Variants in KCNIP4 observed in about 807,000 individuals in gnomAD.
KCNIP4 encodes Kv channel-interacting protein 4.
A neutral mutation model predicts 34.0 loss-of-function variants in KCNIP4; 12 were observed. The ratio of observed to expected loss-of-function variants is 0.35; its 90% CI spans 0.23 to 0.57. KCNIP4 has a LOEUF of 0.57. Among genes scored for constraint, KCNIP4 ranks in the 20% least tolerant of loss-of-function variants. KCNIP4 has a pLI of 0.83. For synonymous variants in KCNIP4, 124 were observed against 102.2 expected (o/e 1.21, Z -1.29); for missense variants, 238 against 311.7 (o/e 0.76, Z 1.78).
chr4:21,603,065 A>G (rs903858685), intron 1 of KCNIP4, among the ~76,000 whole-genome samples: 2 of 152,186 alleles, frequency 1.3e-5, no homozygotes, highest in South Asian at 4.1e-4. Context: ...ACAACTTTTA[A>G]CAATACTTAC....
chr4:21,426,292 C>A (rs28376487), intron 1 of KCNIP4, among the ~76,000 whole-genome samples: 2 of 151,954 alleles, frequency 1.3e-5, no homozygotes, highest in African/African-American at 2.4e-5. Flanking sequence ...TGGAGTCTTT[C>A]GGGTGTGATG....
chr4:21,587,832 A>G (rs1741763846), intron 1 of KCNIP4, among the ~76,000 whole-genome samples: 1 of 152,054 alleles, frequency 6.6e-6, no homozygotes, highest in African/African-American at 2.4e-5. Context: ...CAAACAGTTA[A>G]TACACATCTT....
intron 1 of KCNIP4, among the ~76,000 whole-genome samples, chr4:21,074,933 T>C (rs975755715): frequency 1.1e-4 from 16 of 152,210 alleles, no homozygotes; most frequent in African/African-American, 3.9e-4. Context: ...TCAGTTTCCA[T>C]GTAGTTGAGC....
chr4:20,911,418 G>A (rs1728314801), intron 1 of KCNIP4, among the ~76,000 whole-genome samples: 1 of 152,150 alleles, frequency 6.6e-6, no homozygotes, highest in Admixed American at 6.5e-5. Flanking sequence ...CTAATAAAGT[G>A]TGAGTAGAAA....
chr4:21,936,304 A>T (rs1729858215), intron 1 of KCNIP4, among the ~76,000 whole-genome samples: 2 of 152,074 alleles, frequency 1.3e-5, no homozygotes, highest in Admixed American at 1.3e-4. Flanking sequence ...ATGGTTTTAT[A>T]AGGGGCTTCC....
intron 1 of KCNIP4, among the ~76,000 whole-genome samples, chr4:21,838,126 T>C (rs1318389052): frequency 1.3e-5 from 2 of 152,358 alleles, no homozygotes; most frequent in East Asian, 3.9e-4. Flanking sequence ...CTGCATCTTC[T>C]GTTACACTAT....
At chr4:21,089,737 T>C (rs6810466) in intron 1 of KCNIP4, among the ~76,000 whole-genome samples, 25,549 of 151,986 alleles carry the variant, frequency 0.17, 2,226 homozygotes, top group East Asian at 0.24. Context: ...TCTTGGGCCA[T>C]TGCAACTTCC....
chr4:21,416,307 T>A (rs984459857), intron 1 of KCNIP4, among the ~76,000 whole-genome samples: 5 of 152,154 alleles, frequency 3.3e-5, no homozygotes, highest in African/African-American at 7.2e-5. Flanking sequence ...GTAGAGGGAT[T>A]AGGAGGCATC....
intron 3 of KCNIP4, among the ~76,000 whole-genome samples, chr4:20,822,635 A>G (rs1578702425): frequency 6.6e-6 from 1 of 152,188 alleles, no homozygotes; most frequent in African/African-American, 2.4e-5. Flanking sequence ...TAGAATTTTG[A>G]GTTGTCGCTG....
At chr4:21,903,552 T>C (rs2108971217) in intron 1 of KCNIP4, among the ~76,000 whole-genome samples, 1 of 152,272 alleles carries the variant, frequency 6.6e-6, no homozygotes, top group South Asian at 2.1e-4. Flanking sequence ...CAGGCACTGA[T>C]TGTTTCAAAT....
At chr4:21,530,710 T>C (rs1736603412) in intron 1 of KCNIP4, among the ~76,000 whole-genome samples, 1 of 152,126 alleles carries the variant, frequency 6.6e-6, no homozygotes, top group Non-Finnish European at 1.5e-5. Flanking sequence ...AGTACCACAA[T>C]AAAATAAGTA....
chr4:21,298,329 T>G (rs971223354), intron 1 of KCNIP4, among the ~76,000 whole-genome samples: 4 of 152,092 alleles, frequency 2.6e-5, no homozygotes, highest in Non-Finnish European at 5.9e-5. Context: ...AATTGATGCT[T>G]GTGTTATGCT....
At chr4:21,497,771 T>A (rs1732970738) in intron 1 of KCNIP4, among the ~76,000 whole-genome samples, 1 of 152,194 alleles carries the variant, frequency 6.6e-6, no homozygotes, top group Non-Finnish European at 1.5e-5. Context: ...ATTCTACTTA[T>A]ATAAATTTAT....
At chr4:21,151,524 C>T (rs1004915978) in intron 1 of KCNIP4, among the ~76,000 whole-genome samples, 1 of 141,336 alleles carries the variant, frequency 7.1e-6, no homozygotes, top group African/African-American at 2.6e-5. Flanking sequence ...TGGCTGTCTT[C>T]TCTCTGTGTC....
chr4:21,591,307 T>C (rs1742200360), intron 1 of KCNIP4, among the ~76,000 whole-genome samples: 1 of 152,074 alleles, frequency 6.6e-6, no homozygotes, highest in Non-Finnish European at 1.5e-5. Context: ...TATTTTTACC[T>C]GTGTAAAGAA....
intron 2 of KCNIP4, among the ~76,000 whole-genome samples, chr4:20,879,074 T>G (rs556297093): frequency 3.9e-5 from 6 of 152,252 alleles, no homozygotes; most frequent in African/African-American, 1.4e-4. Context: ...AGACTACATC[T>G]GGCTGTGCAT....
At chr4:21,249,287 G>GA (rs1335158306) in intron 1 of KCNIP4, among the ~76,000 whole-genome samples, 2 of 151,898 alleles carry the variant, frequency 1.3e-5, no homozygotes, top group African/African-American at 4.8e-5. Context: ...AAACTAACAG[G>GA]AAAAAAATCC....
chr4:21,059,920 C>A (rs1183998966), intron 1 of KCNIP4, among the ~76,000 whole-genome samples: 2 of 151,980 alleles, frequency 1.3e-5, no homozygotes, highest in African/African-American at 2.4e-5. Context: ...AAAAGAAAAA[C>A]TCACATTTTT....
At chr4:21,747,242 C>T (rs1423621755) in intron 1 of KCNIP4, among the ~76,000 whole-genome samples, 3 of 152,068 alleles carry the variant, frequency 2.0e-5, no homozygotes, top group Admixed American at 6.6e-5. Flanking sequence ...GATGGAGATC[C>T]CTATCATAAG....
Sources: allele counts gnomAD v4.1 joint callset (sites outside exome capture counted in the v4.1 genomes callset), GRCh38; gene constraint gnomAD v4.1.1; transcripts MANE v1.5; gene names NCBI Gene and HGNC (gene_info 2026-07-23, HGNC 2026-07-21).